The following PLXNA4 variants were observed in gnomAD, a reference collection of about 807,000 sequenced individuals.
The protein encoded by PLXNA4 is plexin-A4.
PLXNA4 carries 44 observed loss-of-function variants against 191.8 expected under a neutral mutation model. The ratio of observed to expected loss-of-function variants is 0.23; its 90% CI spans 0.18 to 0.29. The LOEUF (loss-of-function observed/expected upper bound fraction) is 0.29. Among genes scored for constraint, PLXNA4 ranks in the 10% least tolerant of loss-of-function variants. PLXNA4 has a pLI of 1.00. For missense variants in PLXNA4, 1,800 were observed against 2,488.8 expected (o/e 0.72, Z 5.89); for synonymous variants, 1,082 against 1,009.5 (o/e 1.07, Z -1.36).
rs1454584308 is a variant in PLXNA4, at chr7:132,164,163, C to A, written c.4479G>T (p.Gln1493His). 6.2e-7 allele frequency: 1 copy of A among 1,614,044 alleles called. No homozygotes were observed. Among genetic ancestry groups the A allele is most frequent in the African/African-American group, 1.3e-5 (1 of 74,948 alleles). The change falls in exon 24 of 32, where the codon CAG becomes CAT. Residue 1493 changes from glutamine to histidine, a missense_variant. Gln to His is a conservative substitution (Grantham distance 24, BLOSUM62 0). Transcript: ENST00000321063. Reference protein sequence around the residue: ...YSLSEDKLIRQQIDYKTLVLS... With the variant: ...YSLSEDKLIRHQIDYKTLVLS... ...TCACCAGGGTTTTGTAGTCAATCTG[C>A]TGGCGGATGAGCTTGTCCTCGCTCA...
intron 4 of PLXNA4, among the ~76,000 whole-genome samples, chr7:132,291,506 T>G (rs78447532): frequency 0.08 from 12,129 of 152,278 alleles, 695 homozygotes; most frequent in Non-Finnish European, 0.11. Context: ...AGAAGAATGC[T>G]TGGCTCAGAG....
At chr7:132,154,274 T>C (rs1795729246) in intron 25 of PLXNA4, among the ~76,000 whole-genome samples, 1 of 152,026 alleles carries the variant, frequency 6.6e-6, no homozygotes, top group African/African-American at 2.4e-5. Flanking sequence ...CCTGAGACCT[T>C]CAACACCTGG....
intron 15 of PLXNA4, 99 bp downstream of exon 15, chr7:132,187,372 C>T: frequency 6.7e-7 from 1 of 1,499,190 alleles, no homozygotes; most frequent in South Asian, 1.4e-5. Context: ...GTGGTTACAC[C>T]CTCCCAACTC....
intron 3 of PLXNA4, among the ~76,000 whole-genome samples, chr7:132,345,323 C>T (rs1282975409): frequency 6.6e-6 from 1 of 152,208 alleles, no homozygotes; most frequent in Non-Finnish European, 1.5e-5. Flanking sequence ...TCCAAGAAAT[C>T]ATCTGAACAA....
chr7:132,581,952 A>AG (rs1306315445), upstream of PLXNA4, among the ~76,000 whole-genome samples: 1 of 152,210 alleles, frequency 6.6e-6, no homozygotes, highest in Non-Finnish European at 1.5e-5. Flanking sequence ...GGATATTGTG[A>AG]GGTAAGGGGA....
chr7:132,517,385 C>G (rs1798983581), intron 1 of PLXNA4, among the ~76,000 whole-genome samples: 1 of 152,248 alleles, frequency 6.6e-6, no homozygotes, highest in South Asian at 2.1e-4. Context: ...TAAAGAGGAC[C>G]CTGAGGCCCT....
At chr7:132,154,385 C>T (rs1297686502) in intron 25 of PLXNA4, among the ~76,000 whole-genome samples, 9 of 147,602 alleles carry the variant, frequency 6.1e-5, no homozygotes, top group South Asian at 2.2e-4. Flanking sequence ...CACCTGGGAG[C>T]AGGAGGGGTG....
At chr7:132,619,015 G>A (rs1321632166) in intron 2 of PLXNA4, among the ~76,000 whole-genome samples, 3 of 152,204 alleles carry the variant, frequency 2.0e-5, no homozygotes, top group African/African-American at 4.8e-5. Flanking sequence ...TCATTAGACT[G>A]TATTTCTATG....
At chr7:132,633,178 C>T (rs1324398125) in intron 2 of PLXNA4, among the ~76,000 whole-genome samples, 1 of 152,038 alleles carries the variant, frequency 6.6e-6, no homozygotes, top group African/African-American at 2.4e-5. Flanking sequence ...AGCCAGTGTT[C>T]TGAGTGGGCT....
At chr7:132,412,037 C>T (rs1434367906) in intron 3 of PLXNA4, among the ~76,000 whole-genome samples, 3 of 152,044 alleles carry the variant, frequency 2.0e-5, no homozygotes, top group Admixed American at 1.3e-4. Flanking sequence ...GTTTGTTCTC[C>T]ACTTCACAAC....
Position 132,576,447 on chromosome 7 carries a change from C to A in PLXNA4, c.-112G>T. ...CTGGACGCGCCGCGTTTCCCTCCTT[C>A]AGCGGGAGCGCCGCATTGACACTGC... On this transcript the variant is annotated 5_prime_UTR_variant, in exon 1 of 32. The change abolishes the stop of an existing upstream ORF in the 5' untranslated region. Transcript: ENST00000321063. The surrounding 1 kb of genome is among the most constrained non-coding windows in gnomAD (Gnocchi z 5.8). The A allele has an allele frequency of 2.0e-6, 2 of 985,756 alleles. No homozygotes were observed. 61.1% of individuals were successfully genotyped at this position (985,756 alleles called of 1,614,324 possible). A position where few individuals can be genotyped will look rare whatever the true frequency, so the allele number is the denominator to read the frequency against.
intron 3 of PLXNA4, among the ~76,000 whole-genome samples, chr7:132,394,660 C>A (rs1308122886): frequency 6.6e-6 from 1 of 152,230 alleles, no homozygotes. Context: ...ACATCGCACG[C>A]AACATGCAAT....
Position 132,165,265 on chromosome 7 carries a change from G to A in PLXNA4, c.4287-65C>T, listed in dbSNP as rs368768856. 3.3e-5 allele frequency: 52 copies of A among 1,570,898 alleles called. No individual in the cohort carries two copies. The African/African-American group carries it at 4.9e-4, about 15-fold the overall frequency. On this transcript the variant is annotated intron_variant, in intron 22 of 31. Transcript: ENST00000321063. ...AGAAAGAAGCAGCTGGTCAGAGCCCGTGGGCTGGGAAGGGCAAGGGAGGAA... is the reference window on the plus strand; with the variant it reads ...AGAAAGAAGCAGCTGGTCAGAGCCCATGGGCTGGGAAGGGCAAGGGAGGAA...
chr7:132,206,231 G>A (rs531249573), intron 10 of PLXNA4, among the ~76,000 whole-genome samples: 27 of 152,364 alleles, frequency 1.8e-4, no homozygotes, highest in African/African-American at 6.5e-4. Flanking sequence ...TCCGAGCATA[G>A]TATCTGTCAT....
At chr7:132,191,246 T>C (rs2116807078) in intron 14 of PLXNA4, among the ~76,000 whole-genome samples, 1 of 152,174 alleles carries the variant, frequency 6.6e-6, no homozygotes, top group South Asian at 2.1e-4. Flanking sequence ...AGGAGGCCGT[T>C]GTGATGGCAA....
In PLXNA4 at chr7:132,211,129, C is replaced by G. The variant is rs1404760089; in HGVS notation, c.2112G>C (p.Leu704=). 6.4e-7 allele frequency: 1 copy of G among 1,558,814 alleles called. No homozygotes were observed. The highest frequency in any genetic ancestry group is 1.9e-5 in the Admixed American group (1 of 51,700). ...RVKLPEDCPQ[L]LRVDKILVPV... is the part of the protein sequence containing the mutation. ...GCACCAGGATCTTGTCCACTCGCAGCAGCTGGGGGCAGTCCTGGGGACAGA... is the reference window on the plus strand; with the variant it reads ...GCACCAGGATCTTGTCCACTCGCAGGAGCTGGGGGCAGTCCTGGGGACAGA... Residue 704 remains leucine (L), a synonymous_variant, in exon 10 of 32, where the codon CTG becomes CTC. Transcript: ENST00000321063.
At chr7:132,371,930 G>T (rs1210326392) in intron 3 of PLXNA4, among the ~76,000 whole-genome samples, 1 of 152,174 alleles carries the variant, frequency 6.6e-6, no homozygotes, top group Non-Finnish European at 1.5e-5. Flanking sequence ...GTGAAAAACT[G>T]CAATCATGCA....
intron 1 of PLXNA4, among the ~76,000 whole-genome samples, chr7:132,527,954 A>T (rs1434677872): frequency 6.6e-6 from 1 of 152,216 alleles, no homozygotes; most frequent in East Asian, 1.9e-4. Context: ...AGACATCTGC[A>T]TGGAAGCACC....
intron 3 of PLXNA4, among the ~76,000 whole-genome samples, chr7:132,390,200 A>C (rs1805341960): frequency 6.6e-6 from 1 of 152,246 alleles, no homozygotes; most frequent in Non-Finnish European, 1.5e-5. Context: ...GGACAAAGAA[A>C]ATGTGGCCCA....
Sources: allele counts gnomAD v4.1 joint callset (sites outside exome capture counted in the v4.1 genomes callset), GRCh38; gene constraint gnomAD v4.1.1; non-coding constraint Gnocchi (gnomAD v3.1); transcripts MANE v1.5; gene names NCBI Gene and HGNC (gene_info 2026-07-23, HGNC 2026-07-21).